Variants in PTPRD observed in about 807,000 individuals in gnomAD.
The protein encoded by PTPRD is protein tyrosine phosphatase receptor type D.
In PTPRD, 34 loss-of-function variants were observed where a neutral mutation model predicts 214.5. The ratio of observed to expected loss-of-function variants is 0.16; its 90% CI spans 0.12 to 0.21. The LOEUF is 0.21. Ranked by LOEUF, PTPRD falls within the 10% of genes least tolerant of loss-of-function variation. The pLI is 1.00. For missense variants in PTPRD, 2,545 were observed against 2,398.7 expected (o/e 1.06, Z -1.27); for synonymous variants, 1,128 against 845.7 (o/e 1.33, Z -5.79).
At chr9:8,956,888 T>C (rs1382741333) in intron 11 of PTPRD, among the ~76,000 whole-genome samples, 2 of 151,950 alleles carry the variant, frequency 1.3e-5, no homozygotes, top group East Asian at 1.9e-4. Flanking sequence ...GACTAATTAT[T>C]TGGGAGGCCT....
intron 3 of PTPRD, among the ~76,000 whole-genome samples, chr9:10,125,879 T>A (rs1378925760): frequency 1.3e-5 from 2 of 152,254 alleles, no homozygotes; most frequent in East Asian, 1.9e-4. Context: ...TAGAGGTCAA[T>A]ATAGATATAG....
intron 8 of PTPRD, among the ~76,000 whole-genome samples, chr9:9,492,346 A>C (rs2095951817): frequency 6.7e-6 from 1 of 150,200 alleles, no homozygotes; most frequent in African/African-American, 2.4e-5. Context: ...AAAAAAACTA[A>C]CATAAATTCT....
At chr9:10,442,049 A>C (rs113052911) in intron 2 of PTPRD, among the ~76,000 whole-genome samples, 1 of 151,686 alleles carries the variant, frequency 6.6e-6, no homozygotes, top group Non-Finnish European at 1.5e-5. Flanking sequence ...TGAAGACCTT[A>C]CATAATCACT....
chr9:8,547,435 G>A (rs1261847616), intron 14 of PTPRD, among the ~76,000 whole-genome samples: 1 of 152,074 alleles, frequency 6.6e-6, no homozygotes, highest in Non-Finnish European at 1.5e-5. Flanking sequence ...CTGATCTCAG[G>A]AGTTTGAGAC....
chr9:8,842,455 T>C (rs1320543131), intron 11 of PTPRD, among the ~76,000 whole-genome samples: 1 of 152,212 alleles, frequency 6.6e-6, no homozygotes, highest in African/African-American at 2.4e-5. Context: ...ACAACTGTAT[T>C]AGAGCAGTAC....
At chr9:8,443,611 C>T (rs1383346926) in intron 34 of PTPRD, among the ~76,000 whole-genome samples, 2 of 152,168 alleles carry the variant, frequency 1.3e-5, no homozygotes, top group Non-Finnish European at 2.9e-5. Flanking sequence ...ATCTGATCAT[C>T]GAGTTTTAAA....
At chr9:9,463,105 G>C (rs1460288007) in intron 8 of PTPRD, among the ~76,000 whole-genome samples, 4 of 151,814 alleles carry the variant, frequency 2.6e-5, no homozygotes, top group African/African-American at 9.7e-5. Flanking sequence ...AAAAGCCTTT[G>C]TGGCCTCTTC....
intron 43 of PTPRD, among the ~76,000 whole-genome samples, chr9:8,337,257 A>C (rs1053993636): frequency 2.0e-5 from 3 of 152,236 alleles, no homozygotes; most frequent in Non-Finnish European, 2.9e-5. Context: ...ACTATGGAAT[A>C]TTATGGTGAG....
At chr9:8,686,365 A>C (rs2097681380) in intron 12 of PTPRD, among the ~76,000 whole-genome samples, 1 of 152,176 alleles carries the variant, frequency 6.6e-6, no homozygotes, top group Non-Finnish European at 1.5e-5. Flanking sequence ...ACAAACCCAC[A>C]TGTTGCATTT....
chr9:10,515,066 T>C (rs141169044), intron 2 of PTPRD, among the ~76,000 whole-genome samples: 21 of 152,060 alleles, frequency 1.4e-4, no homozygotes, highest in African/African-American at 5.1e-4. Context: ...AAAATAAGAA[T>C]AAAGCTTTGC....
chr9:10,333,264 G>C (rs12003458), intron 3 of PTPRD, among the ~76,000 whole-genome samples: 99 of 151,882 alleles, frequency 6.5e-4, no homozygotes, highest in African/African-American at 2.2e-3. Flanking sequence ...CCCTGAAAGG[G>C]GGGTTGAAGT....
In PTPRD at chr9:8,682,893, G is replaced by A. The variant is rs115499564; in HGVS notation, c.65-46049C>T. On this transcript the variant is annotated intron_variant, in intron 12 of 45. Coordinates refer to ENST00000381196, the MANE Select transcript of PTPRD (RefSeq NM_002839.4). Reference sequence around the variant, plus strand: ...TGAGTTGTTGTTTATTTTTTTGTAAGCGAGTTTCTGCTGTTGCTATTTTGT... The same window carrying A: ...TGAGTTGTTGTTTATTTTTTTGTAAACGAGTTTCTGCTGTTGCTATTTTGT... Among the ~76,000 whole-genome samples the A allele has an allele frequency of 7.4e-3, 1,125 of 152,156 alleles. 8 individuals are homozygous for A. Among genetic ancestry groups the A allele is most frequent in the African/African-American group, 0.025 (1,051 of 41,508 alleles).
intron 10 of PTPRD, among the ~76,000 whole-genome samples, chr9:9,088,838 A>G (rs2099771436): frequency 6.6e-6 from 1 of 152,102 alleles, no homozygotes; most frequent in East Asian, 1.9e-4. Flanking sequence ...CTTCATAGCT[A>G]TAGTTTAGCA....
At chr9:9,626,245 C>T (rs2095422226) in intron 7 of PTPRD, among the ~76,000 whole-genome samples, 1 of 152,120 alleles carries the variant, frequency 6.6e-6, no homozygotes, top group African/African-American at 2.4e-5. Context: ...ATATATCTGC[C>T]GGTGGTAGTG....
In PTPRD at chr9:8,809,373, T is replaced by A. The variant is rs1018509207; in HGVS notation, c.-103-75427A>T. ...GAAATTGGCATCTGCATCTTACAGG[T>A]GGAAAAACGAGATTTCCAGAGGTTG... is the stretch of plus-strand genomic sequence containing the variant. On this transcript the variant is annotated intron_variant, in intron 11 of 45. Transcript: ENST00000381196. 3.3e-5 allele frequency among the ~76,000 whole-genome samples: 5 copies of A among 152,078 alleles called. No homozygotes were observed. In the East Asian group the frequency reaches 7.7e-4, roughly 23 times the overall value.
chr9:9,709,140 A>G (rs1008161410), intron 7 of PTPRD, among the ~76,000 whole-genome samples: 1 of 152,024 alleles, frequency 6.6e-6, no homozygotes, highest in South Asian at 2.1e-4. Flanking sequence ...GTTTTGCAAG[A>G]TTCAAATACC....
At chr9:8,387,548 G>C (rs1407206623) in intron 37 of PTPRD, among the ~76,000 whole-genome samples, 1 of 152,174 alleles carries the variant, frequency 6.6e-6, no homozygotes, top group Non-Finnish European at 1.5e-5. Context: ...GAACAGACTG[G>C]GTAGGTTGGA....
chr9:8,330,594 A>AAGGTTTGCTTCTTAT (rs1839342721), intron 44 of PTPRD, among the ~76,000 whole-genome samples: 1 of 152,008 alleles, frequency 6.6e-6, no homozygotes, highest in Non-Finnish European at 1.5e-5. Flanking sequence ...TACATAGATA[A>AAGGTTTGCTTCTTAT]AGGTTTGCTT....
chr9:8,855,370 A>G (rs2097897008), intron 11 of PTPRD, among the ~76,000 whole-genome samples: 1 of 152,072 alleles, frequency 6.6e-6, no homozygotes, highest in Non-Finnish European at 1.5e-5. Flanking sequence ...ATGGTTATCT[A>G]CTCTAACGCA....
Sources: allele counts gnomAD v4.1 joint callset (sites outside exome capture counted in the v4.1 genomes callset), GRCh38; gene constraint gnomAD v4.1.1; transcripts MANE v1.5; gene names NCBI Gene and HGNC (gene_info 2026-07-23, HGNC 2026-07-21).